Variants in COMMD10 observed in about 807,000 individuals in gnomAD.
The protein encoded by COMMD10 is COMM domain containing 10.
In COMMD10, 33 loss-of-function variants were observed where a neutral mutation model predicts 28.9. The ratio of observed to expected loss-of-function variants is 1.14; its 90% confidence interval spans 0.87 to 1.53. The LOEUF is 1.53. Ranked by LOEUF, COMMD10 falls within the 40% of genes most tolerant of loss-of-function variation. The pLI is 0.00. For missense variants in COMMD10, 310 were observed against 233.4 expected (o/e 1.33, Z -2.14); for synonymous variants, 110 against 81.7 (o/e 1.35, Z -1.87).
At chr5:116,224,827 A>G (rs925285449) in intron 5 of COMMD10, among the ~76,000 whole-genome samples, 1 of 152,174 alleles carries the variant, frequency 6.6e-6, no homozygotes, top group African/African-American at 2.4e-5. Flanking sequence ...TTGGCATTAC[A>G]TTTTATTTTG....
intron 5 of COMMD10, among the ~76,000 whole-genome samples, chr5:116,182,568 G>C (rs541646888): frequency 6.6e-6 from 1 of 152,150 alleles, no homozygotes; most frequent in East Asian, 1.9e-4. Flanking sequence ...ATAAAATTTA[G>C]AGAACAAAAC....
At chr5:116,264,063 C>T (rs1366671903) in intron 5 of COMMD10, among the ~76,000 whole-genome samples, 1 of 151,730 alleles carries the variant, frequency 6.6e-6, no homozygotes, top group African/African-American at 2.4e-5. Flanking sequence ...ACCTATGTAC[C>T]TACTATGTAA....
intron 5 of COMMD10, among the ~76,000 whole-genome samples, chr5:116,215,520 C>T (rs1056856451): frequency 1.5e-4 from 22 of 151,512 alleles, no homozygotes; most frequent in African/African-American, 5.3e-4. Flanking sequence ...AACCCTGTCT[C>T]TACTAAAAAT....
chr5:116,255,279 G>C (rs1353421433), intron 5 of COMMD10, among the ~76,000 whole-genome samples: 1 of 151,644 alleles, frequency 6.6e-6, no homozygotes, highest in Non-Finnish European at 1.5e-5. Context: ...CTTTTAGTTG[G>C]AGCATTTAGT....
intron 1 of COMMD10, 34 bp downstream of exon 1, chr5:116,085,127 G>T (rs1473822415): frequency 2.0e-6 from 3 of 1,517,862 alleles, no homozygotes; most frequent in Non-Finnish European, 2.7e-6. Flanking sequence ...CGGTAGCCGC[G>T]CCCAGGAAGG....
intron 4 of COMMD10, among the ~76,000 whole-genome samples, chr5:116,112,134 A>C (rs1751065512): frequency 6.6e-6 from 1 of 152,160 alleles, no homozygotes; most frequent in Non-Finnish European, 1.5e-5. Flanking sequence ...TCTGTTAATA[A>C]TCTGTCTGGG....
At chr5:116,118,892 A>G (rs906319632) in intron 4 of COMMD10, among the ~76,000 whole-genome samples, 3 of 152,270 alleles carry the variant, frequency 2.0e-5, no homozygotes, top group Non-Finnish European at 2.9e-5. Context: ...AACCAGAACC[A>G]TTAACAAATT....
chr5:116,262,505 A>AT (rs1750476284), intron 5 of COMMD10, among the ~76,000 whole-genome samples: 3 of 151,750 alleles, frequency 2.0e-5, no homozygotes. Flanking sequence ...GCATTTCATC[A>AT]TTAACCATTA....
chr5:116,153,152 T>C (rs930782100), intron 5 of COMMD10, among the ~76,000 whole-genome samples: 5 of 152,124 alleles, frequency 3.3e-5, no homozygotes, highest in African/African-American at 9.7e-5. Context: ...CTAAAAGTGA[T>C]AATCTTTGGA....
At chr5:116,203,864 T>C (rs1465567533) in intron 5 of COMMD10, among the ~76,000 whole-genome samples, 1 of 151,600 alleles carries the variant, frequency 6.6e-6, no homozygotes, top group Non-Finnish European at 1.5e-5. Flanking sequence ...AACATCATAA[T>C]GACAGGATCA....
chr5:116,286,199 T>G (rs1277315772), intron 5 of COMMD10, among the ~76,000 whole-genome samples: 1 of 151,700 alleles, frequency 6.6e-6, no homozygotes, highest in Non-Finnish European at 1.5e-5. Flanking sequence ...TGGCATCTGT[T>G]ATAATGTCCT....
chr5:116,127,330 A>G (rs551333123), intron 4 of COMMD10, among the ~76,000 whole-genome samples: 71 of 152,212 alleles, frequency 4.7e-4, no homozygotes, highest in Non-Finnish European at 6.6e-4. Flanking sequence ...CTTTGGTGGG[A>G]GTGTAAACTA....
chr5:116,190,522 C>T (rs1055730265), intron 5 of COMMD10, among the ~76,000 whole-genome samples: 2 of 152,158 alleles, frequency 1.3e-5, no homozygotes, highest in Non-Finnish European at 2.9e-5. Flanking sequence ...AGTTTCAGTT[C>T]CATAACCCAT....
intron 4 of COMMD10, among the ~76,000 whole-genome samples, chr5:116,125,148 T>G (rs1032414438): frequency 6.6e-6 from 1 of 152,208 alleles, no homozygotes; most frequent in African/African-American, 2.4e-5. Flanking sequence ...CTTCCTAGCA[T>G]TGATGGTCTT....
At chr5:116,212,496 C>CTGTGTGTGTGTG (rs11268771) in intron 5 of COMMD10, among the ~76,000 whole-genome samples, 3,780 of 63,854 alleles carry the variant, frequency 0.059, 241 homozygotes, top group African/African-American at 0.12. Context: ...TACTGAAATG[C>CTGTGTGTGTGTG]TGTGTGTGTG....
At chr5:116,157,011 C>G (rs1292369660) in intron 5 of COMMD10, among the ~76,000 whole-genome samples, 1 of 152,072 alleles carries the variant, frequency 6.6e-6, no homozygotes, top group Non-Finnish European at 1.5e-5. Flanking sequence ...AGATCTCAGG[C>G]AAATCCAAAT....
intron 5 of COMMD10, among the ~76,000 whole-genome samples, chr5:116,269,809 C>G (rs1388016283): frequency 6.6e-6 from 1 of 151,764 alleles, no homozygotes; most frequent in African/African-American, 2.4e-5. Flanking sequence ...CCTTCCTAGT[C>G]TGACTTGCCA....
At chr5:116,112,289 A>G (rs1042738858) in intron 4 of COMMD10, among the ~76,000 whole-genome samples, 1 of 152,072 alleles carries the variant, frequency 6.6e-6, no homozygotes, top group Admixed American at 6.5e-5. Flanking sequence ...TGCTTGCTTT[A>G]GATTTTCGTT....
At chr5:116,123,133 T>C (rs12520076) in intron 4 of COMMD10, among the ~76,000 whole-genome samples, 10,715 of 152,126 alleles carry the variant, frequency 0.07, 450 homozygotes, top group Admixed American at 0.13. Flanking sequence ...ATAGCTCTTA[T>C]TATTTTGAGA....
Sources: gnomAD v4.1 joint callset for allele counts (sites outside exome capture counted in the v4.1 genomes callset) on GRCh38, gnomAD v4.1.1 for gene constraint, MANE v1.5 for transcripts, NCBI Gene and HGNC (gene_info 2026-07-23, HGNC 2026-07-21) for gene names.